The following MINDY3 variants were observed in gnomAD, a reference collection of about 807,000 sequenced individuals.
The protein encoded by MINDY3 is ubiquitin carboxyl-terminal hydrolase MINDY-3.
MINDY3 carries 38 observed loss-of-function variants against 69.2 expected under a neutral mutation model. The observed-to-expected ratio is 0.55, with a 90% CI of 0.42 to 0.72. MINDY3 has a LOEUF of 0.72. MINDY3 is among the 30% of genes least tolerant of loss of function. The pLI is 0.00. For missense variants in MINDY3, 522 were observed against 519.0 expected (o/e 1.01, Z -0.06); for synonymous variants, 192 against 180.1 (o/e 1.07, Z -0.53).
At chr10:15,826,826 T>A (rs1840114033) in intron 8 of MINDY3, among the ~76,000 whole-genome samples, 1 of 152,160 alleles carries the variant, frequency 6.6e-6, no homozygotes, top group Non-Finnish European at 1.5e-5. Flanking sequence ...CATTAGATAA[T>A]TCTTTGAGAA....
chr10:15,790,333 TG>T (rs1409238422), intron 11 of MINDY3, among the ~76,000 whole-genome samples: 1 of 152,162 alleles, frequency 6.6e-6, no homozygotes, highest in Non-Finnish European at 1.5e-5. Flanking sequence ...AGATTGGCCT[TG>T]ACTAAAAGGT....
intron 9 of MINDY3, among the ~76,000 whole-genome samples, chr10:15,818,311 T>C (rs1839513959): frequency 6.8e-6 from 1 of 147,988 alleles, no homozygotes; most frequent in African/African-American, 2.5e-5. Flanking sequence ...TAAATTAAGG[T>C]AGAAGTAAAA....
chr10:15,838,035 G>C (rs992445745), intron 5 of MINDY3, 193 bp downstream of exon 5: 1 of 980,470 alleles, frequency 1.0e-6, no homozygotes, highest in African/African-American at 1.8e-5. Flanking sequence ...AGTTAATTAA[G>C]GACTCAGCAT....
intron 11 of MINDY3, among the ~76,000 whole-genome samples, chr10:15,791,471 A>AAAT (rs1201239719): frequency 1.3e-5 from 2 of 151,928 alleles, no homozygotes; most frequent in Non-Finnish European, 2.9e-5. Context: ...TAAAAGAAAA[A>AAAT]AATAGAACTT....
At chr10:15,847,025 A>G (rs1270748695) in intron 2 of MINDY3, among the ~76,000 whole-genome samples, 1 of 152,080 alleles carries the variant, frequency 6.6e-6, no homozygotes, top group Non-Finnish European at 1.5e-5. Flanking sequence ...GCCTGGCCAG[A>G]ATGCATTCTT....
intron 1 of MINDY3, among the ~76,000 whole-genome samples, chr10:15,851,875 C>CT (rs1029478893): frequency 2.0e-5 from 3 of 152,150 alleles, no homozygotes; most frequent in Non-Finnish European, 2.9e-5. Flanking sequence ...ACTGTATGAT[C>CT]TATCAATCCA....
intron 13 of MINDY3, chr10:15,782,427 T>C (rs1836617667): frequency 7.9e-6 from 4 of 507,906 alleles, no homozygotes; most frequent in Admixed American, 7.7e-5. Flanking sequence ...AAGAAGATGC[T>C]GGAAAGTAGG....
chr10:15,796,605 GATTT>G (rs549514037), intron 10 of MINDY3, among the ~76,000 whole-genome samples: 264 of 151,856 alleles, frequency 1.7e-3, no homozygotes, highest in African/African-American at 5.9e-3. Flanking sequence ...AAAATCCAGA[GATTT>G]ATTATAGCAA....
At chr10:15,798,206 A>G (rs1056685809) in intron 10 of MINDY3, among the ~76,000 whole-genome samples, 1 of 152,190 alleles carries the variant, frequency 6.6e-6, no homozygotes, top group Non-Finnish European at 1.5e-5. Context: ...AAAAGGGAGT[A>G]TCAGGTTACT....
At chr10:15,853,223 G>C (rs889503118) in intron 1 of MINDY3, among the ~76,000 whole-genome samples, 1 of 151,722 alleles carries the variant, frequency 6.6e-6, no homozygotes, top group Non-Finnish European at 1.5e-5. Context: ...ATATGGAAAA[G>C]AGGAAGTTTA....
intron 9 of MINDY3, chr10:15,817,681 C>G (rs1012611492): frequency 6.6e-6 from 1 of 152,208 alleles, no homozygotes; most frequent in African/African-American, 2.4e-5. Context: ...GAAACTTTAA[C>G]TTAAAAATGA....
At chr10:15,834,491 G>A (rs376880562) in intron 7 of MINDY3, 52 bp downstream of exon 7, 6 of 1,302,666 alleles carry the variant, frequency 4.6e-6, no homozygotes, top group Non-Finnish European at 3.3e-6. Flanking sequence ...CTGAAGTCAA[G>A]TTTCTAAAAA....
intron 5 of MINDY3, chr10:15,837,730 C>A: frequency 1.9e-6 from 2 of 1,049,504 alleles, no homozygotes; most frequent in Non-Finnish European, 2.3e-6. Flanking sequence ...TACACATTTG[C>A]GGCTTCTTTT....
At chr10:15,845,099 A>T (rs539853526) in intron 2 of MINDY3, among the ~76,000 whole-genome samples, 2 of 151,854 alleles carry the variant, frequency 1.3e-5, no homozygotes, top group Non-Finnish European at 3.0e-5. Flanking sequence ...TAGAGTGTTG[A>T]TGATACATTA....
rs1418959302 is a variant in MINDY3 at position 15,814,026 on chromosome 10, A to T, written c.882+2809T>A. Among the ~76,000 whole-genome samples, 3 of 152,026 alleles carry T rather than the reference A, an allele frequency of 2.0e-5. No individual in the cohort carries two copies. In the East Asian group the frequency reaches 5.8e-4, roughly 29 times the overall value. ...GAAAAAAGAAAAACCCACAGCCAAA[A>T]CTGCTTGCTCAAATGCAGAAATGTT... On this transcript the variant is annotated intron_variant, in intron 10 of 14. Coordinates refer to ENST00000277632, the MANE Select transcript of MINDY3 (RefSeq NM_024948.4).
chr10:15,798,669 A>G (rs1588535421), intron 10 of MINDY3, among the ~76,000 whole-genome samples: 1 of 152,112 alleles, frequency 6.6e-6, no homozygotes, highest in African/African-American at 2.4e-5. Context: ...TAACCCAGCT[A>G]CTTGGGAGGC....
chr10:15,809,324 G>GT lies in MINDY3; in HGVS notation c.882+7510dup, dbSNP rs1370219012. Among the ~76,000 whole-genome samples, 11 of 152,138 alleles carry GT rather than the reference G, an allele frequency of 7.2e-5. No individual in the cohort carries two copies. In the East Asian group the frequency reaches 1.9e-3, roughly 27 times the overall value. ...CACAGCCTTCATCTAATAAGAGCTA[G>GT]TTTTTTCTTCTGAAATTAAGGAAAA... is the stretch of plus-strand genomic sequence containing the variant. On this transcript the variant is annotated intron_variant, in intron 10 of 14. Coordinates refer to ENST00000277632, the MANE Select transcript of MINDY3 (RefSeq NM_024948.4).
At chr10:15,790,852 G>A (rs1165229564) in intron 11 of MINDY3, among the ~76,000 whole-genome samples, 2 of 152,116 alleles carry the variant, frequency 1.3e-5, no homozygotes, top group Non-Finnish European at 2.9e-5. Flanking sequence ...TGCTCAGTCT[G>A]TACACCGTTT....
chr10:15,857,227 A>G (rs1588668436), intron 1 of MINDY3, among the ~76,000 whole-genome samples: 2 of 152,040 alleles, frequency 1.3e-5, no homozygotes, highest in African/African-American at 2.4e-5. Flanking sequence ...GAAGTTTTTT[A>G]TAACTACCAT....
Sources: allele counts gnomAD v4.1 joint callset (sites outside exome capture counted in the v4.1 genomes callset), GRCh38; gene constraint gnomAD v4.1.1; transcripts MANE v1.5; gene names NCBI Gene and HGNC (gene_info 2026-07-23, HGNC 2026-07-21).